The following NSF variants were observed in gnomAD, a reference collection of about 807,000 sequenced individuals.
NSF encodes the protein vesicle-fusing ATPase.
Under a neutral mutation model 50.3 loss-of-function variants are expected in NSF, and 14 were observed. The observed-to-expected ratio is 0.28, with a 90% CI of 0.18 to 0.44. NSF has a LOEUF of 0.44. Among genes scored for constraint, NSF ranks in the 20% least tolerant of loss-of-function variants. The pLI is 1.00. For missense variants in NSF, 218 were observed against 504.3 expected (o/e 0.43, Z 5.44); for synonymous variants, 109 against 175.7 (o/e 0.62, Z 3.00).
intron 17 of NSF, among the ~76,000 whole-genome samples, chr17:46,746,336 T>C (rs1207000011): frequency 6.6e-6 from 1 of 152,218 alleles, no homozygotes; most frequent in Admixed American, 6.5e-5. Flanking sequence ...GTTTCTTTGA[T>C]CTGCATTGGT....
At position 46,719,974 on chromosome 17, in the gene NSF, T is replaced by C. The variant is rs2058812041; in HGVS notation, c.1761+5988T>C. Among the ~76,000 whole-genome samples, 1 of 152,212 alleles carries C rather than the reference T, an allele frequency of 6.6e-6. No individual in the cohort carries two copies. Among genetic ancestry groups the C allele is most frequent in the Non-Finnish European group, 1.5e-5 (1 of 68,040 alleles). On this transcript the variant is annotated intron_variant, in intron 15 of 20. Coordinates refer to ENST00000398238, the MANE Select transcript of NSF (RefSeq NM_006178.4). This position sits in a 1 kb window ranked among gnomAD's most constrained non-coding sequence, Gnocchi z 4.3. ...GGAAGAAATTTTCCTTTCCACTAGC[T>C]TTGCACGAAAGAAATAATCTTCTTT... is the stretch of plus-strand genomic sequence containing the variant.
In NSF at chr17:46,724,366, T is replaced by C. The variant is rs371419641; in HGVS notation, c.1762-2183T>C. Among the ~76,000 whole-genome samples the C allele has an allele frequency of 1.0e-3, 152 of 152,332 alleles. 1 individual carries two copies. The highest frequency in any genetic ancestry group is 3.6e-3 in the African/African-American group (148 of 41,576). On this transcript the variant is annotated intron_variant, in intron 15 of 20. Transcript: ENST00000398238. ...CTCCGTCATGGCTCAGACAGTGAGTTCTGTTCATTATATTTTCTCAGAGAC... is the reference window on the plus strand; with the variant it reads ...CTCCGTCATGGCTCAGACAGTGAGTCCTGTTCATTATATTTTCTCAGAGAC...
chr17:46,734,649 T>C (rs1248425080), intron 17 of NSF, among the ~76,000 whole-genome samples: 2 of 152,192 alleles, frequency 1.3e-5, no homozygotes, highest in Non-Finnish European at 2.9e-5. Flanking sequence ...AGTGATCAAC[T>C]AAGATAATGC....
intron 9 of NSF, among the ~76,000 whole-genome samples, chr17:46,679,610 T>G (rs1172255065): frequency 1.5e-5 from 2 of 135,254 alleles, no homozygotes; most frequent in Non-Finnish European, 3.1e-5. Flanking sequence ...GAGAATTGCT[T>G]GAACCCGGGA....
At chr17:46,621,250 G>A (rs1388072601) in intron 1 of NSF, among the ~76,000 whole-genome samples, 2 of 150,122 alleles carry the variant, frequency 1.3e-5, no homozygotes, top group African/African-American at 5.0e-5. Context: ...AGCCGTTAAA[G>A]GCTTTTGTAT....
intron 12 of NSF, among the ~76,000 whole-genome samples, chr17:46,696,383 A>G (rs2058595201): frequency 7.1e-6 from 1 of 140,958 alleles, no homozygotes. Context: ...ACGTGCAGTA[A>G]CAGAAAGTAC....
At chr17:46,726,420 T>C (rs1217590532) in intron 15 of NSF, 129 bp from the exon 16 acceptor site, 1 of 833,470 alleles carries the variant, frequency 1.2e-6, no homozygotes, top group East Asian at 2.5e-5. Flanking sequence ...AATTCTAATT[T>C]ATTGTAGTCC....
chr17:46,714,003 T>C lies in NSF; in HGVS notation c.1761+17T>C. 6.3e-7 allele frequency: 1 copy of C among 1,595,160 alleles called. No individual in the cohort carries two copies. ...ATGAAGAAGGTATCAAGATTTTACT[T>C]TCATTTTAATTTCCTATCTCTTAAA... On this transcript the variant is annotated intron_variant, in intron 15 of 20. Transcript: ENST00000398238.
chr17:46,717,963 C>T (rs2058790527), intron 15 of NSF, among the ~76,000 whole-genome samples: 1 of 152,206 alleles, frequency 6.6e-6, no homozygotes, highest in African/African-American at 2.4e-5. Flanking sequence ...GCTGGGAGAA[C>T]ATCCATTGCC....
intron 14 of NSF, chr17:46,713,034 T>G (rs985666433): frequency 6.6e-6 from 1 of 151,840 alleles, no homozygotes; most frequent in African/African-American, 2.4e-5. Context: ...TGAGGATGGG[T>G]GGGAGGTGAA....
intron 17 of NSF, among the ~76,000 whole-genome samples, chr17:46,744,872 A>G (rs2059111954): frequency 1.3e-5 from 2 of 152,220 alleles, no homozygotes; most frequent in Admixed American, 1.3e-4. Context: ...TATGGTACTA[A>G]GAATTAGTTA....
chr17:46,733,969 A>G (rs2146305912), intron 17 of NSF, among the ~76,000 whole-genome samples: 1 of 152,346 alleles, frequency 6.6e-6, no homozygotes, highest in Middle Eastern at 3.4e-3. Flanking sequence ...GTGGACCAAT[A>G]AGAAACTGTC....
intron 15 of NSF, among the ~76,000 whole-genome samples, chr17:46,718,916 T>G (rs2146277194): frequency 6.6e-6 from 1 of 152,322 alleles, no homozygotes; most frequent in Non-Finnish European, 1.5e-5. Context: ...ATTGCTAAGG[T>G]AAAAATATTA....
intron 14 of NSF, chr17:46,713,137 G>C (rs549250876): frequency 4.6e-5 from 7 of 152,336 alleles, no homozygotes; most frequent in African/African-American, 1.7e-4. Flanking sequence ...TGTTCAGAAA[G>C]AGTTTTTTGT....
At chr17:46,661,378 T>TTTATTATTATTATTATTATTA (rs892367324) in intron 8 of NSF, among the ~76,000 whole-genome samples, 66 of 106,528 alleles carry the variant, frequency 6.2e-4, no homozygotes, top group African/African-American at 2.7e-3. Flanking sequence ...TACATTTCTT[T>TTTATTATTATTATTATTATTA]TTATTATTAT....
intron 15 of NSF, among the ~76,000 whole-genome samples, chr17:46,714,939 C>T (rs1005792523): frequency 2.0e-5 from 3 of 152,208 alleles, no homozygotes; most frequent in African/African-American, 4.8e-5. Flanking sequence ...CTTAGGCATT[C>T]GCTTTATAAA....
intron 14 of NSF, 98 bp from the exon 15 acceptor site, chr17:46,713,755 C>T (rs918570403): frequency 2.7e-6 from 3 of 1,121,488 alleles, no homozygotes; most frequent in Non-Finnish European, 2.6e-6. Context: ...AGCAACTAGT[C>T]GAGACCTCAG....
chr17:46,598,757 T>C (rs997032091), intron 1 of NSF, among the ~76,000 whole-genome samples: 1 of 152,042 alleles, frequency 6.6e-6, no homozygotes, highest in Non-Finnish European at 1.5e-5. Context: ...AATGACATCA[T>C]TACCAAACAA....
intron 1 of NSF, among the ~76,000 whole-genome samples, chr17:46,610,025 C>CTT (rs371481638): frequency 1.2e-5 from 1 of 81,450 alleles, no homozygotes; most frequent in South Asian, 4.8e-4. Flanking sequence ...TTCTTTCTTT[C>CTT]TTTCTCTCTC....
Sources: allele counts gnomAD v4.1 joint callset (sites outside exome capture counted in the v4.1 genomes callset), GRCh38; gene constraint gnomAD v4.1.1; non-coding constraint Gnocchi (gnomAD v3.1); transcripts MANE v1.5; gene names NCBI Gene and HGNC (gene_info 2026-07-23, HGNC 2026-07-21).